The following CFAP92 variants were observed in gnomAD, a reference collection of about 807,000 sequenced individuals.
CFAP92 encodes the protein cilia and flagella associated protein 92 (putative), also known as uncharacterized protein CFAP92.
Under a neutral mutation model 106.3 loss-of-function variants are expected in CFAP92, and 86 were observed. The observed-to-expected ratio is 0.81, with a 90% CI of 0.68 to 0.97. The LOEUF (loss-of-function observed/expected upper bound fraction) is 0.97. Ranked by LOEUF, CFAP92 falls within the 50% of genes least tolerant of loss-of-function variation. The pLI is 0.00. For synonymous variants in CFAP92, 477 were observed against 506.4 expected, an observed-to-expected ratio of 0.94 and a Z score of 0.78; for missense variants, 1,204 against 1,283.8, an observed-to-expected ratio of 0.94 and a Z score of 0.95.
intron 15 of CFAP92, chr3:128,910,744 C>G: frequency 6.2e-7 from 1 of 1,614,230 alleles, no homozygotes; most frequent in Non-Finnish European, 8.5e-7. Flanking sequence ...CTGGCAGGTT[C>G]TCTTGGCCAA....
chr3:128,916,407 T>G (rs1936823008), intron 12 of CFAP92, 136 bp from the exon 13 acceptor site: 1 of 596,712 alleles, frequency 1.7e-6, no homozygotes, highest in African/African-American at 1.9e-5. Flanking sequence ...GGTGCTGTTA[T>G]TTCATCATAG....
chr3:129,022,647 C>T, the CFAP92 span, among the ~76,000 whole-genome samples: 1 of 152,162 alleles, frequency 6.6e-6, no homozygotes, highest in African/African-American at 2.4e-5. Flanking sequence ...CTGGGGTCTG[C>T]CAGGAAGTGA....
chr3:128,921,299 G>GCT, intron 12 of CFAP92, among the ~76,000 whole-genome samples: 1 of 152,350 alleles, frequency 6.6e-6, no homozygotes, highest in Admixed American at 6.5e-5. Context: ...ACTGAAAGAA[G>GCT]CTCAGCAGGA....
chr3:128,997,203 G>T (rs1944511398), upstream of CFAP92, among the ~76,000 whole-genome samples: 1 of 152,152 alleles, frequency 6.6e-6, no homozygotes, highest in Non-Finnish European at 1.5e-5. Context: ...GCTCCCACAG[G>T]CTATGTAGAG....
chr3:128,992,662 C>A (rs2107825718), intron 2 of CFAP92, among the ~76,000 whole-genome samples: 1 of 152,140 alleles, frequency 6.6e-6, no homozygotes, highest in African/African-American at 2.4e-5. Flanking sequence ...ACAACCTCCA[C>A]CTCCGGGGTT....
the CFAP92 span, among the ~76,000 whole-genome samples, chr3:129,022,245 C>T: frequency 1.3e-5 from 2 of 152,232 alleles, no homozygotes; most frequent in Admixed American, 6.5e-5. Context: ...CCAGCTAGCA[C>T]AGAGTCCCCA....
At chr3:129,004,056 A>G, upstream of CFAP92, 1 of 1,510,844 alleles carries the variant, frequency 6.6e-7, no homozygotes, top group South Asian at 1.2e-5. Context: ...CGGCGGCTGG[A>G]GGCGGAGCTG....
chr3:128,912,794 C>G (rs1325003079), intron 15 of CFAP92: 2 of 735,690 alleles, frequency 2.7e-6, no homozygotes, highest in Non-Finnish European at 5.0e-6. Context: ...AGGCAGTGCT[C>G]TCTAACAGGA....
intron 9 of CFAP92, among the ~76,000 whole-genome samples, chr3:128,951,447 T>C (rs1183007658): frequency 6.6e-6 from 1 of 151,920 alleles, no homozygotes; most frequent in Non-Finnish European, 1.5e-5. Flanking sequence ...TGGATCAAGA[T>C]GGAATAGACA....
chr3:128,935,267 G>C lies in CFAP92; in HGVS notation c.2311C>G (p.Leu771Val). 1 of 1,535,912 alleles carries C rather than the reference G, an allele frequency of 6.5e-7. No homozygotes were observed. The highest frequency in any genetic ancestry group is 8.7e-7 in the Non-Finnish European group (1 of 1,146,720). ...TCCCCATAGAGCCGGCTGCGGAACA[G>C]CAGCTGTGAGTTGTACAGCACCTTG... is the stretch of plus-strand genomic sequence containing the variant. ...KYKVLYNSQL[L>V]FRSRLYGDLE... Residue 771 changes from leucine to valine, a missense_variant, in exon 11 of 16, where the codon CTG becomes GTG. Leu to Val is a conservative substitution (Grantham distance 32). Coordinates refer to ENST00000645291, the MANE Select transcript of CFAP92 (RefSeq NM_001394090.1).
Position 128,914,757 on chromosome 3 carries a change from C to T in CFAP92, c.3280+362G>A, listed in dbSNP as rs190780412. 73 of 196,886 alleles carry T rather than the reference C, an allele frequency of 3.7e-4. No individual in the cohort carries two copies. The East Asian group carries it at 8.0e-3, about 22-fold the overall frequency. 12.2% of individuals were successfully genotyped at this position (196,886 alleles called of 1,614,324 possible). On this transcript the variant is annotated intron_variant, in intron 15 of 15. Transcript: ENST00000645291. ...AAGGTCCCAGTGAAGCCCAGAGCCT[C>T]TGCCCCCAGCTCTTGGCTGGACACC...
intron 13 of CFAP92, 94 bp from the exon 14 acceptor site, chr3:128,915,657 CAT>C (rs1303148852): frequency 3.7e-6 from 3 of 804,708 alleles, no homozygotes; most frequent in African/African-American, 3.5e-5. Context: ...GGGGCATAAT[CAT>C]AGTTCCTGAC....
chr3:128,925,633 A>G (rs1266545493), intron 12 of CFAP92, among the ~76,000 whole-genome samples: 4 of 152,210 alleles, frequency 2.6e-5, no homozygotes, highest in Non-Finnish European at 4.4e-5. Flanking sequence ...AATATAAGTA[A>G]TATCTGAAGA....
Position 128,945,757 on chromosome 3 carries a change from C to A in CFAP92, c.1572G>T (p.Lys524Asn). The change falls in exon 10 of 16, where the codon AAG becomes AAT. Residue 524 changes from lysine to asparagine, a missense_variant. Lys to Asn is a moderately conservative substitution (Grantham distance 94). Coordinates refer to ENST00000645291, the MANE Select transcript of CFAP92 (RefSeq NM_001394090.1). The stretch of plus-strand genomic sequence containing the variant: ...GAGGGTCCTCCCCAAACAGCACGGG[C>A]TTCTGAGAACACTCCTCTGACTTGC... ...RDRKSEECSQ[K>N]PVLFGEDPLD... 1 of 1,534,714 alleles carries A rather than the reference C, an allele frequency of 6.5e-7. No homozygotes were observed. Among genetic ancestry groups the A allele is most frequent in the Non-Finnish European group, 8.7e-7 (1 of 1,146,272 alleles).
chr3:128,987,557 G>C, intron 4 of CFAP92, 59 bp downstream of exon 4: 3 of 1,438,232 alleles, frequency 2.1e-6, no homozygotes, highest in Non-Finnish European at 2.9e-6. Flanking sequence ...TGGCTTTTAT[G>C]CTGTTACTAG....
intron 1 of CFAP92, chr3:129,002,563 A>G (rs6769766): frequency 0.03 from 22,477 of 744,874 alleles, 1,998 homozygotes; most frequent in African/African-American, 0.25. Context: ...ATCACACTCA[A>G]ACAACCATAC....
intron 9 of CFAP92, among the ~76,000 whole-genome samples, chr3:128,962,448 A>C (rs1389243455): frequency 6.6e-6 from 1 of 152,202 alleles, no homozygotes; most frequent in African/African-American, 2.4e-5. Context: ...CCACCTGCCC[A>C]GTTCCCTTAT....
At chr3:128,963,868 C>A (rs1310875462) in intron 9 of CFAP92, among the ~76,000 whole-genome samples, 1 of 151,388 alleles carries the variant, frequency 6.6e-6, no homozygotes, top group African/African-American at 2.4e-5. Flanking sequence ...CCCTTCCCTA[C>A]ACATCAAGCT....
At chr3:128,950,421 C>A (rs114067318) in intron 9 of CFAP92, among the ~76,000 whole-genome samples, 5,975 of 152,280 alleles carry the variant, frequency 0.039, 297 homozygotes, top group African/African-American at 0.11. Flanking sequence ...AACGTCTGAC[C>A]TGGAAGGTGG....
Sources: allele counts gnomAD v4.1 joint callset (sites outside exome capture counted in the v4.1 genomes callset), GRCh38; gene constraint gnomAD v4.1.1; transcripts MANE v1.5; gene names NCBI Gene and HGNC (gene_info 2026-07-23, HGNC 2026-07-21).